C8orf34: variants seen among roughly 807,000 people sequenced by gnomAD.
C8orf34 encodes uncharacterized protein C8orf34.
In C8orf34, 65 loss-of-function variants were observed where a neutral mutation model predicts 68.3. That is an observed-to-expected ratio of 0.95 (90% CI 0.78 to 1.17). C8orf34 has a LOEUF of 1.17. Ranked by LOEUF, C8orf34 falls within the 50% of genes most tolerant of loss-of-function variation. The pLI, the probability that C8orf34 is intolerant of heterozygous loss-of-function variation, is 0.00. For synonymous variants in C8orf34, 244 were observed against 241.2 expected (o/e 1.01, Z -0.11); for missense variants, 664 against 655.4 (o/e 1.01, Z -0.14).
rs76396265 is a variant in C8orf34 at position 68,346,466 on chromosome 8, G to A, written c.327+15127G>A. Reference sequence around the variant, plus strand: ...GACACATCCTTATTACCCAAAGTCTGTAGTTTACAGTAGGGTTCACTCTTG... The same window carrying A: ...GACACATCCTTATTACCCAAAGTCTATAGTTTACAGTAGGGTTCACTCTTG... On this transcript the variant is annotated intron_variant, in intron 1 of 13. Coordinates refer to ENST00000518698, the MANE Select transcript of C8orf34 (RefSeq NM_052958.4). 7.9e-3 allele frequency among the ~76,000 whole-genome samples: 1,194 copies of A among 152,024 alleles called. 19 individuals carry two copies. Among genetic ancestry groups the A allele is most frequent in the African/African-American group, 0.026 (1,098 of 41,472 alleles).
intron 1 of C8orf34, among the ~76,000 whole-genome samples, chr8:68,434,584 C>T (rs1022880208): frequency 5.9e-5 from 9 of 151,958 alleles, no homozygotes; most frequent in Admixed American, 3.3e-4. Flanking sequence ...TCTTTGCTAT[C>T]GTAAATAGTG....
chr8:68,610,396 T>C (rs903858758), intron 7 of C8orf34, among the ~76,000 whole-genome samples: 4 of 152,154 alleles, frequency 2.6e-5, no homozygotes, highest in African/African-American at 9.7e-5. Flanking sequence ...AGTGATTCTC[T>C]CAAATGAGGT....
At chr8:68,334,927 C>T (rs1805782924) in intron 1 of C8orf34, among the ~76,000 whole-genome samples, 1 of 152,178 alleles carries the variant, frequency 6.6e-6, no homozygotes, top group Non-Finnish European at 1.5e-5. Flanking sequence ...GCACTTCTTC[C>T]AGCCATGTAT....
intron 7 of C8orf34, among the ~76,000 whole-genome samples, chr8:68,569,654 G>A (rs1816704627): frequency 6.6e-6 from 1 of 152,188 alleles, no homozygotes; most frequent in Admixed American, 6.5e-5. Flanking sequence ...TTAACCCTGA[G>A]TGCTACAGGA....
At chr8:68,566,823 A>G (rs1315854260) in intron 7 of C8orf34, among the ~76,000 whole-genome samples, 1 of 152,180 alleles carries the variant, frequency 6.6e-6, no homozygotes, top group African/African-American at 2.4e-5. Flanking sequence ...TTCTTTGCCA[A>G]GAGTTTTCAT....
At chr8:68,564,592 A>G (rs2130199368) in intron 7 of C8orf34, among the ~76,000 whole-genome samples, 1 of 152,284 alleles carries the variant, frequency 6.6e-6, no homozygotes. Flanking sequence ...TTTCTACCCA[A>G]GCACAGCACA....
rs141111683 is a variant in C8orf34 at position 68,482,652 on chromosome 8, A to G, written c.737-5371A>G. Among the ~76,000 whole-genome samples the G allele has an allele frequency of 1.7e-3, 261 of 152,236 alleles. 2 individuals are homozygous for G. The highest frequency in any genetic ancestry group is 6.1e-3 in the African/African-American group (253 of 41,554). ...TGATAAAAGTTTTACTTACACAGGT[A>G]TTTTCTTTAACATTACTCTTTATAC... On this transcript the variant is annotated intron_variant, in intron 4 of 13. Coordinates refer to ENST00000518698, the MANE Select transcript of C8orf34 (RefSeq NM_052958.4).
intron 1 of C8orf34, among the ~76,000 whole-genome samples, chr8:68,373,050 C>T (rs1807630578): frequency 6.6e-6 from 1 of 152,160 alleles, no homozygotes; most frequent in Non-Finnish European, 1.5e-5. Context: ...GCCTGGAGTG[C>T]AATGGCGCAA....
At chr8:68,395,361 TCACACA>T (rs61037782) in intron 1 of C8orf34, among the ~76,000 whole-genome samples, 2,980 of 77,736 alleles carry the variant, frequency 0.038, 40 homozygotes, top group Admixed American at 0.054. Flanking sequence ...TGTGTGTCTC[TCACACA>T]CACACACACA....
chr8:68,489,895 A>G (rs1157682395), intron 5 of C8orf34, among the ~76,000 whole-genome samples: 1 of 152,256 alleles, frequency 6.6e-6, no homozygotes, highest in Non-Finnish European at 1.5e-5. Flanking sequence ...AATATAATTT[A>G]TGAATATATT....
In C8orf34 at chr8:68,446,868, C is replaced by T. The variant is rs141378242; in HGVS notation, c.607+408C>T. 1.9e-3 allele frequency: 335 copies of T among 180,550 alleles called. 1 individual carries two copies. Among genetic ancestry groups the T allele is most frequent in the African/African-American group, 7.0e-3 (300 of 42,822 alleles). 11.2% of individuals were successfully genotyped at this position (180,550 alleles called of 1,614,324 possible). A position where few individuals can be genotyped will look rare whatever the true frequency, so the allele number is the denominator to read the frequency against. ...CTATTCAAAACATTTCATAAAATTT[C>T]TTAAAAAATATTTCATCTGGGATTT... On this transcript the variant is annotated intron_variant, in intron 3 of 13. Transcript: ENST00000518698.
At chr8:68,640,955 A>G (rs1282133525) in intron 8 of C8orf34, among the ~76,000 whole-genome samples, 1 of 152,180 alleles carries the variant, frequency 6.6e-6, no homozygotes, top group Non-Finnish European at 1.5e-5. Flanking sequence ...TCAGCTTGAC[A>G]CTTTCAGTTT....
intron 1 of C8orf34, among the ~76,000 whole-genome samples, chr8:68,413,809 A>G (rs939719206): frequency 6.6e-6 from 1 of 152,188 alleles, no homozygotes; most frequent in African/African-American, 2.4e-5. Flanking sequence ...TGACCTTTAT[A>G]TAGTAGCCTG....
intron 12 of C8orf34, among the ~76,000 whole-genome samples, chr8:68,800,536 C>T (rs1824301159): frequency 6.6e-6 from 1 of 152,130 alleles, no homozygotes. Flanking sequence ...ATATATGTAA[C>T]TGGGTTATAT....
chr8:68,535,295 A>T (rs1815418239), intron 7 of C8orf34: 9 of 981,514 alleles, frequency 9.2e-6, no homozygotes, highest in Admixed American at 6.2e-5. Flanking sequence ...ATCTTTTTGA[A>T]TCTACATTTT....
chr8:68,786,090 T>G lies in C8orf34; in HGVS notation c.1456-1353T>G, dbSNP rs146056352. ...AAAAATAAAGCACAATATCTCATAT[T>G]GGAGAAAAATATAATTGAAAGGGGG... On this transcript the variant is annotated intron_variant, in intron 11 of 13. Coordinates refer to ENST00000518698, the MANE Select transcript of C8orf34 (RefSeq NM_052958.4). Among the ~76,000 whole-genome samples the G allele has an allele frequency of 9.8e-4, 150 of 152,310 alleles. 1 individual carries two copies. The highest frequency in any genetic ancestry group is 3.4e-3 in the Middle Eastern group (1 of 294).
At chr8:68,376,327 A>G (rs1167342560) in intron 1 of C8orf34, among the ~76,000 whole-genome samples, 1 of 152,202 alleles carries the variant, frequency 6.6e-6, no homozygotes, top group African/African-American at 2.4e-5. Context: ...AAGCAGTCCA[A>G]CAGAGCATGG....
chr8:68,536,069 C>T (rs977275489), intron 7 of C8orf34, among the ~76,000 whole-genome samples: 2 of 151,656 alleles, frequency 1.3e-5, no homozygotes, highest in African/African-American at 4.8e-5. Flanking sequence ...AATGGAATGA[C>T]AAGTTACAAT....
intron 9 of C8orf34, among the ~76,000 whole-genome samples, chr8:68,714,928 C>G (rs949236375): frequency 6.6e-6 from 1 of 152,030 alleles, no homozygotes; most frequent in South Asian, 2.1e-4. Flanking sequence ...AAAATAGGCA[C>G]GTAAACCACT....
Sources: gnomAD v4.1 joint callset for allele counts (sites outside exome capture counted in the v4.1 genomes callset) on GRCh38, gnomAD v4.1.1 for gene constraint, MANE v1.5 for transcripts, NCBI Gene and HGNC (gene_info 2026-07-23, HGNC 2026-07-21) for gene names.